Variants in SHISA6 observed in about 807,000 individuals in gnomAD.
SHISA6 encodes protein shisa-6.
SHISA6 carries 22 observed loss-of-function variants against 47.9 expected under a neutral mutation model. The observed-to-expected ratio is 0.46, with a 90% CI of 0.33 to 0.66. The LOEUF is 0.66. Among genes scored for constraint, SHISA6 ranks in the 30% least tolerant of loss-of-function variants. The probability of loss-of-function intolerance (pLI) is 0.02; values close to 1 mark genes in which losing one functional copy is unlikely to be tolerated. For synonymous variants in SHISA6, 388 were observed against 337.8 expected (o/e 1.15, Z -1.63); for missense variants, 680 against 764.6 (o/e 0.89, Z 1.30).
chr17:11,243,229 A>G (rs1567697279), intron 1 of SHISA6, among the ~76,000 whole-genome samples: 2 of 151,636 alleles, frequency 1.3e-5, no homozygotes, highest in Admixed American at 6.6e-5. Context: ...GCTGCTGTGC[A>G]CATTAATCAC....
chr17:11,392,156 T>A (rs897098313), intron 3 of SHISA6, among the ~76,000 whole-genome samples: 3 of 152,166 alleles, frequency 2.0e-5, no homozygotes, highest in African/African-American at 7.2e-5. Context: ...TTCATCTGCT[T>A]CCCAGTGAAT....
intron 3 of SHISA6, among the ~76,000 whole-genome samples, chr17:11,413,581 T>A (rs1914198303): frequency 6.6e-6 from 1 of 152,064 alleles, no homozygotes. Context: ...GGCCGGTTCT[T>A]CTCTCATGTG....
intron 3 of SHISA6, among the ~76,000 whole-genome samples, chr17:11,520,211 CA>C (rs2071618254): frequency 1.3e-5 from 2 of 152,156 alleles, no homozygotes. Context: ...TTAATGTGTT[CA>C]AAATGGAACT....
intron 2 of SHISA6, among the ~76,000 whole-genome samples, chr17:11,379,057 T>A (rs1399118740): frequency 6.6e-6 from 1 of 151,342 alleles, no homozygotes; most frequent in Non-Finnish European, 1.5e-5. Context: ...TGTAATGTAA[T>A]GTTCCCAGGA....
Position 11,241,436 on chromosome 17 carries a change from G to A in SHISA6, c.14G>A (p.Arg5His). 2.5e-6 allele frequency: 3 copies of A among 1,187,908 alleles called. No homozygotes were observed. The highest frequency in any genetic ancestry group is 3.2e-6 in the Non-Finnish European group (3 of 943,882). The allele number at this position is 1,187,908 out of a possible 1,614,324, so 73.6% of individuals were successfully genotyped here. MALRRLLLLLLLSLE... is the reference protein window; with the variant it reads MALRHLLLLLLLSLE... ...CCCGGCCCCGCCATGGCGCTGCGGC[G>A]CCTCCTGCTGCTGCTGCTGCTCTCG... Residue 5 changes from arginine to histidine, a missense_variant, in exon 1 of 6, where the codon CGC (arginine) becomes CAC (histidine). By Grantham distance (29) the Arg-to-His change is conservative (BLOSUM62 0). Transcript: ENST00000441885. The surrounding 1 kb of genome is among the most constrained non-coding windows in gnomAD (Gnocchi z 5.5).
At chr17:11,376,326 T>G (rs374521975) in intron 2 of SHISA6, among the ~76,000 whole-genome samples, 4 of 2,400 alleles carry the variant, frequency 1.7e-3, no homozygotes, top group Admixed American at 0.013. Context: ...TTTTTGTTTG[T>G]TTTTTTTTTT....
chr17:11,530,016 C>CA (rs904381770), intron 3 of SHISA6, among the ~76,000 whole-genome samples: 42 of 150,714 alleles, frequency 2.8e-4, no homozygotes, highest in Middle Eastern at 6.8e-3. Context: ...CCAAAACAAA[C>CA]AAAAAAAAAC....
intron 3 of SHISA6, among the ~76,000 whole-genome samples, chr17:11,394,838 C>T (rs950813687): frequency 6.6e-6 from 1 of 151,874 alleles, no homozygotes; most frequent in Non-Finnish European, 1.5e-5. Context: ...GTCTCTGTCT[C>T]TCTTTTTCAT....
intron 2 of SHISA6, among the ~76,000 whole-genome samples, chr17:11,287,862 G>C (rs1909376576): frequency 6.6e-6 from 1 of 152,084 alleles, no homozygotes; most frequent in African/African-American, 2.4e-5. Flanking sequence ...AATAAACTAT[G>C]CATGTAGATC....
intron 3 of SHISA6, among the ~76,000 whole-genome samples, chr17:11,461,915 A>G (rs1915701179): frequency 6.6e-6 from 1 of 152,210 alleles, no homozygotes; most frequent in African/African-American, 2.4e-5. Flanking sequence ...GACCCCAGAT[A>G]CCAGAGCATG....
intron 2 of SHISA6, among the ~76,000 whole-genome samples, chr17:11,324,824 T>C (rs1050020910): frequency 2.6e-5 from 4 of 152,110 alleles, no homozygotes; most frequent in African/African-American, 9.7e-5. Flanking sequence ...TAGTGCACAA[T>C]TAGGAAGCTG....
At chr17:11,290,138 A>G (rs113454845) in intron 2 of SHISA6, 1 of 152,002 alleles carries the variant, frequency 6.6e-6, no homozygotes, top group Non-Finnish European at 1.5e-5. Flanking sequence ...ATATTTTGTT[A>G]TTAAAGTCTA....
intron 3 of SHISA6, among the ~76,000 whole-genome samples, chr17:11,490,901 G>A (rs897175392): frequency 2.0e-5 from 3 of 152,216 alleles, no homozygotes; most frequent in African/African-American, 7.2e-5. Flanking sequence ...CAGGGGCTTT[G>A]TGAGGAATGC....
intron 1 of SHISA6, among the ~76,000 whole-genome samples, chr17:11,260,377 C>T (rs570981254): frequency 1.3e-5 from 2 of 152,234 alleles, no homozygotes; most frequent in Admixed American, 1.3e-4. Flanking sequence ...TGACTCTTCA[C>T]TTCAGATTCC....
intron 1 of SHISA6, among the ~76,000 whole-genome samples, chr17:11,262,931 A>T (rs1476591475): frequency 2.6e-5 from 4 of 151,920 alleles, no homozygotes; most frequent in Admixed American, 1.3e-4. Context: ...CTAGTACATG[A>T]TACTCAGTGT....
chr17:11,273,264 T>C (rs953402538), intron 2 of SHISA6, among the ~76,000 whole-genome samples: 17 of 152,298 alleles, frequency 1.1e-4, no homozygotes, highest in African/African-American at 4.1e-4. Context: ...GAGGTCAAAT[T>C]GACCAGAGGT....
At chr17:11,392,617 T>TC (rs1205669573) in intron 3 of SHISA6, among the ~76,000 whole-genome samples, 1 of 152,218 alleles carries the variant, frequency 6.6e-6, no homozygotes, top group Non-Finnish European at 1.5e-5. Context: ...AGCTGCCCAG[T>TC]CCTGGACTTT....
At chr17:11,477,377 T>C (rs1272504279) in intron 3 of SHISA6, among the ~76,000 whole-genome samples, 1 of 152,194 alleles carries the variant, frequency 6.6e-6, no homozygotes, top group Non-Finnish European at 1.5e-5. Flanking sequence ...TTGAACATTT[T>C]ACATGATTCT....
At chr17:11,292,168 A>G (rs1909576133) in intron 2 of SHISA6, among the ~76,000 whole-genome samples, 1 of 152,012 alleles carries the variant, frequency 6.6e-6, no homozygotes, top group African/African-American at 2.4e-5. Context: ...ACCCACAAAG[A>G]TCTCATTTTA....
Sources: allele counts gnomAD v4.1 joint callset (sites outside exome capture counted in the v4.1 genomes callset), GRCh38; gene constraint gnomAD v4.1.1; non-coding constraint Gnocchi (gnomAD v3.1); transcripts MANE v1.5; gene names NCBI Gene and HGNC (gene_info 2026-07-23, HGNC 2026-07-21).